NFIX: variants seen among roughly 807,000 people sequenced by gnomAD.
NFIX encodes the protein nuclear factor 1 X-type.
Under a neutral mutation model 53.3 loss-of-function variants are expected in NFIX, and 2 were observed. That is an observed-to-expected ratio of 0.04 (90% confidence interval 0.02 to 0.12). The LOEUF is 0.12. NFIX is among the 10% of genes least tolerant of loss of function. NFIX has a pLI of 1.00. For missense variants in NFIX, 310 were observed against 674.5 expected (o/e 0.46, Z 5.99); for synonymous variants, 244 against 289.0 (o/e 0.84, Z 1.58).
rs372257657 is a variant in NFIX, at chr19:13,090,304, G to C, written c.1408G>C (p.Ala470Pro). ...AALTPPSPSF[A>P]TTGASSANRF... is the part of the protein sequence containing the mutation. ...CTCTCCCCTGCTCCCCACAGCATTC[G>C]CAACGACAGGCGCCTCCTCTGCCAA... The change falls in exon 10 of 11, where the codon GCA becomes CCA. Residue 470 changes from alanine (A) to proline (P), a missense_variant. By Grantham distance (27) the Ala-to-Pro change is conservative. Transcript: ENST00000592199. This position sits in a 1 kb window ranked among gnomAD's most constrained non-coding sequence, Gnocchi z 6.6. 10 of 1,613,922 alleles carry C rather than the reference G, an allele frequency of 6.2e-6. No homozygotes were observed. The East Asian group carries it at 1.8e-4, about 29-fold the overall frequency.
chr19:12,999,624 C>T (rs1392146175), intron 1 of NFIX, among the ~76,000 whole-genome samples: 1 of 152,218 alleles, frequency 6.6e-6, no homozygotes, highest in African/African-American at 2.4e-5. Context: ...CACACGGATA[C>T]ACCCGCTCTC....
chr19:13,041,876 C>A (rs1008362101), intron 2 of NFIX, among the ~76,000 whole-genome samples: 1 of 150,676 alleles, frequency 6.6e-6, no homozygotes, highest in South Asian at 2.1e-4. Context: ...GGTTTAGCAT[C>A]TTTTCTTTTT....
rs1054527188 is a variant in NFIX at position 13,012,792 on chromosome 19, C to T, written c.28-12229C>T. Among the ~76,000 whole-genome samples, 5 of 152,284 alleles carry T rather than the reference C, an allele frequency of 3.3e-5. No homozygotes were observed. In the East Asian group the frequency reaches 7.7e-4, roughly 24 times the overall value. ...CGAGGACAGCTTGGGGGCGTCCCTT[C>T]GGAGAGGATCTCTCCGCGTCGCATA... is the stretch of plus-strand genomic sequence containing the variant. On this transcript the variant is annotated intron_variant, in intron 1 of 10. Transcript: ENST00000592199. The surrounding 1 kb of genome is among the most constrained non-coding windows in gnomAD (Gnocchi z 5.0).
intron 2 of NFIX, among the ~76,000 whole-genome samples, chr19:13,062,583 GCT>G (rs1214217378): frequency 1.3e-5 from 2 of 152,222 alleles, no homozygotes; most frequent in African/African-American, 4.8e-5. Context: ...GGTCTCTGGG[GCT>G]CTCATGCCTT....
intron 1 of NFIX, among the ~76,000 whole-genome samples, chr19:13,003,871 C>T (rs1446234391): frequency 6.6e-6 from 1 of 152,116 alleles, no homozygotes; most frequent in Non-Finnish European, 1.5e-5. Flanking sequence ...AATTCCTGGG[C>T]TCAAGCAGTT....
Position 12,995,670 on chromosome 19 carries a change from G to C in NFIX, c.-168G>C, listed in dbSNP as rs1487341440. 6.8e-6 allele frequency: 1 copy of C among 146,752 alleles called. No homozygotes were observed. The highest frequency in any genetic ancestry group is 1.5e-5 in the Non-Finnish European group (1 of 67,232). 9.1% of individuals were successfully genotyped at this position (146,752 alleles called of 1,614,324 possible). A position where few individuals can be genotyped will look rare whatever the true frequency, so the allele number is the denominator to read the frequency against. On this transcript the variant is annotated 5_prime_UTR_variant, in exon 1 of 11. Coordinates refer to ENST00000592199, the MANE Select transcript of NFIX (RefSeq NM_001365902.3). ...AGCCGGCGGGGCCGAGCTTGCGAGCGGCGAGCGCGGAGCGGCGCCGGGCCG... is the reference window on the plus strand; with the variant it reads ...AGCCGGCGGGGCCGAGCTTGCGAGCCGCGAGCGCGGAGCGGCGCCGGGCCG...
chr19:13,046,473 C>G lies in NFIX; in HGVS notation c.559+20921C>G, dbSNP rs553786052. ...GTGGAATCGCGTTGCCTTCCCCCCC[C>G]CTCTTTTTTTTGCCTTGACAGCTCC... On this transcript the variant is annotated intron_variant, in intron 2 of 10. Transcript: ENST00000592199. Among the ~76,000 whole-genome samples, 21 of 152,222 alleles carry G rather than the reference C, an allele frequency of 1.4e-4. No individual in the cohort carries two copies. In the East Asian group the frequency reaches 1.5e-3, roughly 11 times the overall value.
At chr19:13,047,349 T>A (rs1272398643) in intron 2 of NFIX, among the ~76,000 whole-genome samples, 6 of 152,132 alleles carry the variant, frequency 3.9e-5, no homozygotes, top group Non-Finnish European at 7.4e-5. Flanking sequence ...CTAAAAACAT[T>A]GGTCAGTTTG....
At chr19:13,083,060 G>A (rs1018812491) in intron 8 of NFIX, among the ~76,000 whole-genome samples, 3 of 151,982 alleles carry the variant, frequency 2.0e-5, no homozygotes, top group African/African-American at 4.8e-5. Flanking sequence ...TTTCCTCCTC[G>A]TCTCCCTTCT....
Position 13,040,921 on chromosome 19 carries a change from CTCCT to C in NFIX, c.559+15374_559+15377del, listed in dbSNP as rs1367565408. Among the ~76,000 whole-genome samples the C allele has an allele frequency of 6.6e-6, 1 of 152,182 alleles. No individual in the cohort carries two copies. Among genetic ancestry groups the C allele is most frequent in the Admixed American group, 6.5e-5 (1 of 15,280 alleles). Reference sequence around the variant, plus strand: ...TTCTACCTTAAGACTCTCTAGATAGCTCCTTCCTCCTCTCTCACCTGGTCCTAAA... The same window carrying C: ...TTCTACCTTAAGACTCTCTAGATAGCTCCTCCTCTCTCACCTGGTCCTAAA... On this transcript the variant is annotated intron_variant, in intron 2 of 10. Coordinates refer to ENST00000592199, the MANE Select transcript of NFIX (RefSeq NM_001365902.3). This position sits in a 1 kb window ranked among gnomAD's most constrained non-coding sequence, Gnocchi z 4.2.
chr19:13,035,479 G>A (rs2014120696), intron 2 of NFIX, among the ~76,000 whole-genome samples: 1 of 152,180 alleles, frequency 6.6e-6, no homozygotes, highest in African/African-American at 2.4e-5. Context: ...TGCAGCAACC[G>A]GTAATCCTGT....
rs2014222752 is a variant in NFIX, at chr19:13,036,717, A to C, written c.559+11165A>C. ...ATATAACAGGTGGCCCAGAATACAG[A>C]CAGGGGGTGTAATAAGTGTATATCC... On this transcript the variant is annotated intron_variant, in intron 2 of 10. Coordinates refer to ENST00000592199, the MANE Select transcript of NFIX (RefSeq NM_001365902.3). This position sits in a 1 kb window ranked among gnomAD's most constrained non-coding sequence, Gnocchi z 4.7. 6.6e-6 allele frequency among the ~76,000 whole-genome samples: 1 copy of C among 152,190 alleles called. No homozygotes were observed. The highest frequency in any genetic ancestry group is 1.5e-5 in the Non-Finnish European group (1 of 68,018).
At chr19:13,092,250 C>T (rs556376712) in intron 10 of NFIX, among the ~76,000 whole-genome samples, 1 of 152,216 alleles carries the variant, frequency 6.6e-6, no homozygotes, top group Non-Finnish European at 1.5e-5. Context: ...TTGTCATTCC[C>T]TGGGCAGCGC....
chr19:13,019,941 T>C (rs980480668), intron 1 of NFIX, among the ~76,000 whole-genome samples: 3 of 120,810 alleles, frequency 2.5e-5, no homozygotes, highest in African/African-American at 4.9e-5. Flanking sequence ...CCCCCTTGTC[T>C]TTTTTTTTTC....
chr19:13,068,193 G>A lies in NFIX; in HGVS notation c.560-4854G>A, dbSNP rs2016550005. 6.6e-6 allele frequency among the ~76,000 whole-genome samples: 1 copy of A among 152,172 alleles called. No homozygotes were observed. The highest frequency in any genetic ancestry group is 2.1e-4 in the South Asian group (1 of 4,822). ...TCCCAGGCTCCTCCTGGCTGCTGGA[G>A]CTTCCCCTCCAGAGCTCTACTGAAG... On this transcript the variant is annotated intron_variant, in intron 2 of 10. Coordinates refer to ENST00000592199, the MANE Select transcript of NFIX (RefSeq NM_001365902.3). The surrounding 1 kb of genome is among the most constrained non-coding windows in gnomAD (Gnocchi z 4.2).
chr19:13,089,098 T>A lies in NFIX; in HGVS notation c.1402+962T>A, dbSNP rs1484224849. 6.6e-6 allele frequency among the ~76,000 whole-genome samples: 1 copy of A among 152,114 alleles called. No individual in the cohort carries two copies. Among genetic ancestry groups the A allele is most frequent in the East Asian group, 1.9e-4 (1 of 5,192 alleles). On this transcript the variant is annotated intron_variant, in intron 9 of 10. Coordinates refer to ENST00000592199, the MANE Select transcript of NFIX (RefSeq NM_001365902.3). This position sits in a 1 kb window ranked among gnomAD's most constrained non-coding sequence, Gnocchi z 4.8. ...TTGTCTCTCCTCCTTTCTCGTGGTTTGAGTTCTTTTCCCCTCTCCATCCTC... is the reference window on the plus strand; with the variant it reads ...TTGTCTCTCCTCCTTTCTCGTGGTTAGAGTTCTTTTCCCCTCTCCATCCTC...
intron 1 of NFIX, among the ~76,000 whole-genome samples, chr19:13,007,895 C>T (rs1189582419): frequency 2.6e-5 from 4 of 152,158 alleles, no homozygotes; most frequent in Non-Finnish European, 4.4e-5. Context: ...TACCACTCCC[C>T]CCTCTGTGGC....
chr19:13,076,198 C>A (rs552228440), intron 6 of NFIX, among the ~76,000 whole-genome samples: 1 of 152,282 alleles, frequency 6.6e-6, no homozygotes, highest in East Asian at 1.9e-4. Context: ...GGAATCCTCC[C>A]AGGATGAGAA....
chr19:13,024,854 A>T, intron 1 of NFIX, 167 bp from the exon 2 acceptor site: 1 of 1,318,156 alleles, frequency 7.6e-7, no homozygotes, highest in Non-Finnish European at 1.0e-6. Context: ...CTTTCGTAGA[A>T]CAATCGCAAG....
Sources: allele counts gnomAD v4.1 joint callset (sites outside exome capture counted in the v4.1 genomes callset), GRCh38; gene constraint gnomAD v4.1.1; non-coding constraint Gnocchi (gnomAD v3.1); transcripts MANE v1.5; gene names NCBI Gene and HGNC (gene_info 2026-07-23, HGNC 2026-07-21).